Variants in ACTL6B observed in about 807,000 individuals in gnomAD.
ACTL6B encodes the protein actin-like protein 6B.
In ACTL6B, 48 loss-of-function variants were observed where a neutral mutation model predicts 63.3. The observed-to-expected ratio is 0.76, with a 90% CI of 0.60 to 0.96. The LOEUF is 0.96. ACTL6B is among the 50% of genes least tolerant of loss of function. ACTL6B has a pLI of 0.00. For missense variants in ACTL6B, 350 were observed against 572.2 expected, an observed-to-expected ratio of 0.61 and a Z score of 3.96; for synonymous variants, 230 against 223.8, an observed-to-expected ratio of 1.03 and a Z score of -0.25.
Position 100,655,479 on chromosome 7 carries a change from A to T in ACTL6B, c.210T>A (p.Asn70Lys). 10 of 1,614,080 alleles carry T rather than the reference A, an allele frequency of 6.2e-6. No individual in the cohort carries two copies. Among genetic ancestry groups the T allele is most frequent in the Non-Finnish European group, 7.6e-6 (9 of 1,179,986 alleles). The change falls in exon 3 of 14, where the codon AAT becomes AAA. Residue 70 changes from asparagine to lysine, a missense_variant. Coordinates refer to ENST00000160382, the MANE Select transcript of ACTL6B (RefSeq NM_016188.5). This position sits in a 1 kb window ranked among gnomAD's most constrained non-coding sequence, Gnocchi z 4.4. ...KKGKIFHIDT[N>K]ALHVPRDGAE... is the part of the protein sequence containing the mutation. Reference sequence around the variant, plus strand: ...CTCCATCCCGAGGCACGTGCAGGGCATTGGTGTCGATGTGGAAGATCTTCC... The same window carrying T: ...CTCCATCCCGAGGCACGTGCAGGGCTTTGGTGTCGATGTGGAAGATCTTCC...
rs756799290 is a variant in ACTL6B, at chr7:100,655,822, G to C, written c.83C>G (p.Ala28Gly). The change falls in exon 2 of 14, where the codon GCT becomes GGT. Residue 28 changes from alanine to glycine, a missense_variant. Around this residue, in one of 3 missense-constraint regions of ACTL6B, gnomAD observed 250 missense variants for 364.7 expected, o/e 0.69. Coordinates refer to ENST00000160382, the MANE Select transcript of ACTL6B (RefSeq NM_016188.5). The surrounding 1 kb of genome is among the most constrained non-coding windows in gnomAD (Gnocchi z 4.4). ...IGSFSVRAGY[A>G]GEDCPKADFP... ...GCTCACCTTGGGACAGTCCTCCCCA[G>C]CGTACCCAGCGCGGACTGAGAAGGA... 1 of 1,574,338 alleles carries C rather than the reference G, an allele frequency of 6.4e-7. No homozygotes were observed. Among genetic ancestry groups the C allele is most frequent in the Non-Finnish European group, 8.6e-7 (1 of 1,159,350 alleles).
Position 100,647,361 on chromosome 7 carries a change from C to T in ACTL6B, c.760-77G>A. On this transcript the variant is annotated intron_variant, in intron 8 of 13. Coordinates refer to ENST00000160382, the MANE Select transcript of ACTL6B (RefSeq NM_016188.5). The surrounding 1 kb of genome is among the most constrained non-coding windows in gnomAD (Gnocchi z 4.4). ...CCCTGCCCCGCTCCCCCTCCCTGCT[C>T]CCCCTCCCATGCGGGGCCTCTGTCC... The T allele has an allele frequency of 6.3e-7, 1 of 1,599,118 alleles. No individual in the cohort carries two copies. The highest frequency in any genetic ancestry group is 8.6e-7 in the Non-Finnish European group (1 of 1,168,016).
At chr7:100,656,035 G>A (rs1484015410) in intron 1 of ACTL6B, among the ~76,000 whole-genome samples, 156 bp from the exon 2 acceptor site, 1 of 152,202 alleles carries the variant, frequency 6.6e-6, no homozygotes, top group Non-Finnish European at 1.5e-5. Context: ...TCCTGGGACT[G>A]GGGGTGGGGG....
rs1434949678 is a variant in ACTL6B, at chr7:100,647,424, G to A, written c.759+20C>T. ...ATGGCAGGGGAGGGGGGTTTCAGGTGGCCCTCTCCAGAGGCTCACATTACA... is the reference window on the plus strand; with the variant it reads ...ATGGCAGGGGAGGGGGGTTTCAGGTAGCCCTCTCCAGAGGCTCACATTACA... On this transcript the variant is annotated intron_variant, in intron 8 of 13. Coordinates refer to ENST00000160382, the MANE Select transcript of ACTL6B (RefSeq NM_016188.5). The surrounding 1 kb of genome is among the most constrained non-coding windows in gnomAD (Gnocchi z 4.4). 6.2e-7 allele frequency: 1 copy of A among 1,608,294 alleles called. No individual in the cohort carries two copies.
chr7:100,647,390 C>T lies in ACTL6B; in HGVS notation c.759+54G>A, dbSNP rs1803844624. 1 of 1,599,954 alleles carries T rather than the reference C, an allele frequency of 6.3e-7. No homozygotes were observed. The highest frequency in any genetic ancestry group is 1.1e-5 in the South Asian group (1 of 90,662). On this transcript the variant is annotated intron_variant, in intron 8 of 13. Coordinates refer to ENST00000160382, the MANE Select transcript of ACTL6B (RefSeq NM_016188.5). This position sits in a 1 kb window ranked among gnomAD's most constrained non-coding sequence, Gnocchi z 4.4. ...CTCCCATGCGGGGCCTCTGTCCCGC[C>T]CCCGATTCATGGCAGGGGAGGGGGG...
rs1387082961 is a variant in ACTL6B, at chr7:100,646,301, G to C, written c.1148C>G (p.Thr383Ser). 1.2e-6 allele frequency: 2 copies of C among 1,614,026 alleles called. No individual in the cohort carries two copies. The highest frequency in any genetic ancestry group is 1.7e-6 in the Non-Finnish European group (2 of 1,180,018). Reference protein sequence around the residue: ...MRLKLIASNSTMERKFSPWIG... With the variant: ...MRLKLIASNSSMERKFSPWIG... ...CCAGGGGCTGAACTTGCGCTCCATG[G>C]TGCTGTTGCTGGCAATGAGTTTCAG... Residue 383 changes from threonine to serine, a missense_variant, in exon 13 of 14, where the codon ACC becomes AGC. Around this residue, in one of 3 missense-constraint regions of ACTL6B, gnomAD observed 76 missense variants for 126.1 expected, o/e 0.60. Coordinates refer to ENST00000160382, the MANE Select transcript of ACTL6B (RefSeq NM_016188.5). The surrounding 1 kb of genome is among the most constrained non-coding windows in gnomAD (Gnocchi z 6.1).
intron 13 of ACTL6B, 53 bp from the exon 14 acceptor site, chr7:100,643,379 A>G: frequency 6.3e-7 from 1 of 1,591,180 alleles, no homozygotes. Context: ...GGAGGTGTGG[A>G]CAGGCAGGTG....
At position 100,648,489 on chromosome 7, in the gene ACTL6B, A is replaced by G; in HGVS notation, c.669+67T>C. On this transcript the variant is annotated intron_variant, in intron 7 of 13. Coordinates refer to ENST00000160382, the MANE Select transcript of ACTL6B (RefSeq NM_016188.5). This position sits in a 1 kb window ranked among gnomAD's most constrained non-coding sequence, Gnocchi z 4.4. ...TCTGCTCTGATATCTCATGTGTCAG[A>G]GGGTTGACGGCCATGGGGCGAGTGG... is the stretch of plus-strand genomic sequence containing the variant. The G allele has an allele frequency of 7.4e-7, 1 of 1,344,420 alleles. No individual in the cohort carries two copies. The highest frequency in any genetic ancestry group is 1.0e-6 in the Non-Finnish European group (1 of 991,584). 83.3% of individuals were successfully genotyped at this position (1,344,420 alleles called of 1,614,324 possible).
In ACTL6B at chr7:100,646,955, C is replaced by T. The variant is rs764314805; in HGVS notation, c.936+16G>A. The stretch of plus-strand genomic sequence containing the variant: ...TGCAGCCAGCACCCACCCCAGTCCT[C>T]GCCACACAGCCAAACCTTGACGTTC... On this transcript the variant is annotated intron_variant, in intron 10 of 13. Transcript: ENST00000160382. The surrounding 1 kb of genome is among the most constrained non-coding windows in gnomAD (Gnocchi z 6.1). 8.1e-6 allele frequency: 13 copies of T among 1,613,036 alleles called. No individual in the cohort carries two copies. Among genetic ancestry groups the T allele is most frequent in the East Asian group, 2.2e-5 (1 of 44,874 alleles).
At position 100,650,081 on chromosome 7, in the gene ACTL6B, T is replaced by C; in HGVS notation, c.424A>G (p.Asn142Asp). ...TTGCATAAGAAGAAGGCAGGAATGT[T>C]GTACTGCTCGAACATCAGCTCTGTC... is the stretch of plus-strand genomic sequence containing the variant. ...KLTELMFEQYNIPAFFLCKTA... is the reference protein window; with the variant it reads ...KLTELMFEQYDIPAFFLCKTA... Residue 142 changes from asparagine (N) to aspartate (D), a missense_variant, in exon 5 of 14, where the codon AAC becomes GAC. This residue lies in a region of ACTL6B where 250 missense variants were observed against 364.7 expected (regional missense o/e 0.69). Transcript: ENST00000160382. 1 of 1,614,024 alleles carries C rather than the reference T, an allele frequency of 6.2e-7. No individual in the cohort carries two copies. The highest frequency in any genetic ancestry group is 1.1e-5 in the South Asian group (1 of 91,084).
Position 100,655,198 on chromosome 7 carries a change from G to T in ACTL6B, c.269-79C>A. On this transcript the variant is annotated intron_variant, in intron 3 of 13. Coordinates refer to ENST00000160382, the MANE Select transcript of ACTL6B (RefSeq NM_016188.5). The surrounding 1 kb of genome is among the most constrained non-coding windows in gnomAD (Gnocchi z 4.4). Reference sequence around the variant, plus strand: ...GACAGGAAGAAAAGGAGGGAGAAAGGCCAAGCCCAAAGGAGGGTCAGTGAG... The same window carrying T: ...GACAGGAAGAAAAGGAGGGAGAAAGTCCAAGCCCAAAGGAGGGTCAGTGAG... 7.4e-7 allele frequency: 1 copy of T among 1,352,032 alleles called. No individual in the cohort carries two copies. Among genetic ancestry groups the T allele is most frequent in the Non-Finnish European group, 1.0e-6 (1 of 953,638 alleles). The allele number at this position is 1,352,032 out of a possible 1,614,324, so 83.8% of individuals were successfully genotyped here.
chr7:100,648,512 T>G lies in ACTL6B; in HGVS notation c.669+44A>C, dbSNP rs1185657088. 7.3e-6 allele frequency: 11 copies of G among 1,497,360 alleles called. No individual in the cohort carries two copies. The highest frequency in any genetic ancestry group is 9.9e-6 in the Non-Finnish European group (11 of 1,111,042). 92.8% of individuals were successfully genotyped at this position (1,497,360 alleles called of 1,614,324 possible). On this transcript the variant is annotated intron_variant, in intron 7 of 13. Coordinates refer to ENST00000160382, the MANE Select transcript of ACTL6B (RefSeq NM_016188.5). This position sits in a 1 kb window ranked among gnomAD's most constrained non-coding sequence, Gnocchi z 4.4. ...AGAGGGTTGACGGCCATGGGGCGAGTGGCCAGGACTCTAGTGGCAGCTCCA... is the reference window on the plus strand; with the variant it reads ...AGAGGGTTGACGGCCATGGGGCGAGGGGCCAGGACTCTAGTGGCAGCTCCA...
rs1804032667 is a variant in ACTL6B, at chr7:100,655,954, G to A, written c.26-75C>T. 1 of 1,446,706 alleles carries A rather than the reference G, an allele frequency of 6.9e-7. No homozygotes were observed. Among genetic ancestry groups the A allele is most frequent in the African/African-American group, 1.4e-5 (1 of 70,472 alleles). 89.6% of individuals were successfully genotyped at this position (1,446,706 alleles called of 1,614,324 possible). ...GCTAGGTAGCTCCGAGAGAAAGTCA[G>A]GGCAGAGCCACAGTCTCGCCACTTT... On this transcript the variant is annotated intron_variant, in intron 1 of 13. Transcript: ENST00000160382. The surrounding 1 kb of genome is among the most constrained non-coding windows in gnomAD (Gnocchi z 4.4).
chr7:100,653,383 A>AT (rs1281956494), intron 4 of ACTL6B, among the ~76,000 whole-genome samples: 1 of 151,248 alleles, frequency 6.6e-6, no homozygotes, highest in Admixed American at 6.6e-5. Context: ...GGTGTGGTGG[A>AT]TCTCGCCTGT....
chr7:100,646,147 T>TTGAA lies in ACTL6B; in HGVS notation c.1200+98_1200+101dup. 5.9e-6 allele frequency: 6 copies of TTGAA among 1,008,772 alleles called. No individual in the cohort carries two copies. Among genetic ancestry groups the TTGAA allele is most frequent in the Admixed American group, 2.0e-5 (1 of 49,786 alleles). 62.5% of individuals were successfully genotyped at this position (1,008,772 alleles called of 1,614,324 possible). A position where few individuals can be genotyped will look rare whatever the true frequency, so the allele number is the denominator to read the frequency against. On this transcript the variant is annotated intron_variant, in intron 13 of 13. Coordinates refer to ENST00000160382, the MANE Select transcript of ACTL6B (RefSeq NM_016188.5). This position sits in a 1 kb window ranked among gnomAD's most constrained non-coding sequence, Gnocchi z 6.1. ...GACATTTCTCAAAACTAAATGTTTG[T>TTGAA]TGAATGAATGAATGAACGAAGAGGC...
intron 4 of ACTL6B, among the ~76,000 whole-genome samples, chr7:100,650,707 A>G (rs370331426): frequency 5.3e-5 from 8 of 152,268 alleles, no homozygotes; most frequent in African/African-American, 1.9e-4. Context: ...GCTTGTGGGA[A>G]TTAAAACTAC....
chr7:100,648,837 G>T lies in ACTL6B; in HGVS notation c.468-14C>A. ...CCGTTTGCAAAGCTGGCATCGGATG[G>T]GTAAGTCAAAGAGACAGCAGCAGCA... is the stretch of plus-strand genomic sequence containing the variant. On this transcript the variant is annotated splice_polypyrimidine_tract_variant and intron_variant, in intron 5 of 13. Transcript: ENST00000160382. This position sits in a 1 kb window ranked among gnomAD's most constrained non-coding sequence, Gnocchi z 4.4. The T allele has an allele frequency of 1.2e-6, 2 of 1,611,542 alleles. No individual in the cohort carries two copies.
chr7:100,644,977 A>T (rs1021633546), intron 13 of ACTL6B, among the ~76,000 whole-genome samples: 6 of 151,956 alleles, frequency 3.9e-5, no homozygotes, highest in Non-Finnish European at 8.8e-5. Context: ...AATCGCTTGA[A>T]CCCAGGAGAT....
chr7:100,647,261 G>T lies in ACTL6B; in HGVS notation c.783C>A (p.Ala261=), dbSNP rs766523164. 5.6e-6 allele frequency: 9 copies of T among 1,613,302 alleles called. No homozygotes were observed. In the East Asian group the frequency reaches 1.3e-4, roughly 24 times the overall value. The stretch of plus-strand genomic sequence containing the variant: ...GGGAGTCTGAGACCTGCAGCACGGA[G>T]GCCTGGAAGTCCTGGATCACCTCCT... The part of the protein sequence containing the change: ...MCNEVIQDFQ[A]SVLQVSDSPY... The change falls in exon 9 of 14, where the codon GCC becomes GCA. Residue 261 remains alanine (A), a synonymous_variant. Coordinates refer to ENST00000160382, the MANE Select transcript of ACTL6B (RefSeq NM_016188.5). The surrounding 1 kb of genome is among the most constrained non-coding windows in gnomAD (Gnocchi z 4.4).
Sources: gnomAD v4.1 joint callset for allele counts (sites outside exome capture counted in the v4.1 genomes callset) on GRCh38, gnomAD v4.1.1 for gene constraint, gnomAD v4.1.1 regional missense constraint, Gnocchi (gnomAD v3.1) non-coding constraint, MANE v1.5 for transcripts, NCBI Gene and HGNC (gene_info 2026-07-23, HGNC 2026-07-21) for gene names.